DAB1: variants seen among roughly 807,000 people sequenced by gnomAD.
The protein encoded by DAB1 is disabled homolog 1.
DAB1 carries 15 observed loss-of-function variants against 64.6 expected under a neutral mutation model. The ratio of observed to expected loss-of-function variants is 0.23; its 90% CI spans 0.16 to 0.36. The LOEUF is 0.36. DAB1 is among the 10% of genes least tolerant of loss of function. The probability of loss-of-function intolerance (pLI) is 1.00; values close to 1 mark genes in which losing one functional copy is unlikely to be tolerated. For synonymous variants in DAB1, 235 were observed against 251.9 expected (o/e 0.93, Z 0.64); for missense variants, 596 against 706.7 (o/e 0.84, Z 1.78).
At chr1:57,535,668 G>T (rs1410411469) in intron 7 of DAB1, among the ~76,000 whole-genome samples, 1 of 151,828 alleles carries the variant, frequency 6.6e-6, no homozygotes. Context: ...CACTATGTTG[G>T]CCAGGATGGT....
At chr1:58,343,140 T>C (rs1444820923) in intron 4 of DAB1, among the ~76,000 whole-genome samples, 2 of 152,126 alleles carry the variant, frequency 1.3e-5, no homozygotes, top group Non-Finnish European at 2.9e-5. Context: ...AGGTCTATAA[T>C]GCTGGGGGTG....
chr1:57,994,224 C>G (rs1249175361), intron 5 of DAB1, among the ~76,000 whole-genome samples: 1 of 152,222 alleles, frequency 6.6e-6, no homozygotes, highest in African/African-American at 2.4e-5. Flanking sequence ...ATATGAGGAA[C>G]TGAAGCCTGC....
intron 2 of DAB1, among the ~76,000 whole-genome samples, chr1:57,168,855 A>G (rs1049380229): frequency 2.8e-4 from 42 of 152,136 alleles, no homozygotes; most frequent in African/African-American, 1.0e-3. Context: ...CAGGAGTTTG[A>G]GACCAGCCTG....
At chr1:57,224,329 C>G (rs995321806) in intron 2 of DAB1, among the ~76,000 whole-genome samples, 5 of 152,186 alleles carry the variant, frequency 3.3e-5, no homozygotes, top group African/African-American at 4.8e-5. Flanking sequence ...CCCCTGATCA[C>G]CACCTGAGTT....
intron 2 of DAB1, among the ~76,000 whole-genome samples, chr1:57,217,786 T>C (rs1448000457): frequency 6.6e-6 from 1 of 152,050 alleles, no homozygotes; most frequent in South Asian, 2.1e-4. Context: ...AAGAATAAAT[T>C]ATTGAACTTG....
At chr1:57,726,201 G>T (rs1165709963) in intron 6 of DAB1, among the ~76,000 whole-genome samples, 1 of 152,212 alleles carries the variant, frequency 6.6e-6, no homozygotes, top group South Asian at 2.1e-4. Flanking sequence ...TTGTAACAGG[G>T]TGTGATCAGC....
At chr1:58,135,997 C>T (rs1181780774) in intron 5 of DAB1, among the ~76,000 whole-genome samples, 2 of 152,108 alleles carry the variant, frequency 1.3e-5, no homozygotes, top group Non-Finnish European at 2.9e-5. Context: ...GATGCAGGAA[C>T]ATCAAGACCA....
In DAB1 at chr1:58,447,711, T is replaced by A. The variant is rs536244910; in HGVS notation, n.257+58349A>T. On this transcript the variant is annotated intron_variant and non_coding_transcript_variant, in intron 3 of 20. Transcript: ENST00000485760. ...GCTCGGATGAACAATCAGGGAAGACTTTCTTGAGGAGGTGACATTTGGACT... is the reference window on the plus strand; with the variant it reads ...GCTCGGATGAACAATCAGGGAAGACATTCTTGAGGAGGTGACATTTGGACT... 3.9e-5 allele frequency among the ~76,000 whole-genome samples: 6 copies of A among 152,264 alleles called. No homozygotes were observed. The East Asian group carries it at 1.2e-3, about 29-fold the overall frequency.
At chr1:57,235,801 C>T (rs1668046654) in intron 2 of DAB1, among the ~76,000 whole-genome samples, 1 of 151,898 alleles carries the variant, frequency 6.6e-6, no homozygotes, top group South Asian at 2.1e-4. Flanking sequence ...GCATTTTAAT[C>T]TCCTTAACAT....
At chr1:57,118,012 C>A (rs1656294024) in intron 4 of DAB1, among the ~76,000 whole-genome samples, 2 of 152,132 alleles carry the variant, frequency 1.3e-5, no homozygotes, top group Admixed American at 6.6e-5. Context: ...AGGACACAGC[C>A]CAGTGACTTA....
intron 1 of DAB1, among the ~76,000 whole-genome samples, chr1:57,376,785 C>G (rs1680931719): frequency 1.3e-5 from 2 of 152,168 alleles, no homozygotes; most frequent in African/African-American, 2.4e-5. Flanking sequence ...TCAAAATGTA[C>G]AGCCTACTGA....
chr1:57,063,064 G>T, intron 8 of DAB1, 121 bp from the exon 9 acceptor site: 1 of 775,922 alleles, frequency 1.3e-6, no homozygotes, highest in South Asian at 1.7e-5. Flanking sequence ...CCAGGGACAA[G>T]CCCATGGGAA....
intron 2 of DAB1, among the ~76,000 whole-genome samples, chr1:57,259,256 G>T (rs1221995220): frequency 6.6e-6 from 1 of 152,150 alleles, no homozygotes; most frequent in African/African-American, 2.4e-5. Flanking sequence ...AGAGAACACA[G>T]GCACAGCCCT....
intron 6 of DAB1, among the ~76,000 whole-genome samples, chr1:57,724,316 G>GAGGA (rs1162623224): frequency 1.3e-3 from 143 of 110,332 alleles, no homozygotes; most frequent in Non-Finnish European, 2.1e-3. Flanking sequence ...GGGAGGGAGG[G>GAGGA]AGGAAGGAAG....
At chr1:58,159,555 ATCTC>A (rs1655402648) in intron 4 of DAB1, among the ~76,000 whole-genome samples, 1 of 152,088 alleles carries the variant, frequency 6.6e-6, no homozygotes, top group African/African-American at 2.4e-5. Context: ...CATATGTAAA[ATCTC>A]TCCACGCTGT....
intron 7 of DAB1, among the ~76,000 whole-genome samples, chr1:57,610,358 T>C (rs1241981440): frequency 6.6e-6 from 1 of 152,188 alleles, no homozygotes; most frequent in Non-Finnish European, 1.5e-5. Context: ...ACTGTACACA[T>C]GTTGATTCAT....
At chr1:58,289,900 G>T (rs1377806589) in intron 4 of DAB1, among the ~76,000 whole-genome samples, 1 of 152,132 alleles carries the variant, frequency 6.6e-6, no homozygotes, top group Non-Finnish European at 1.5e-5. Flanking sequence ...ACAAGTATTT[G>T]GCATTAGCAA....
chr1:57,442,517 T>C (rs1685993876), intron 7 of DAB1, among the ~76,000 whole-genome samples: 1 of 152,184 alleles, frequency 6.6e-6, no homozygotes, highest in East Asian at 1.9e-4. Context: ...ACTTATTGTA[T>C]TTGAGTGAGA....
chr1:57,716,893 A>C (rs1647090489), intron 6 of DAB1, among the ~76,000 whole-genome samples: 1 of 152,174 alleles, frequency 6.6e-6, no homozygotes, highest in Admixed American at 6.5e-5. Context: ...GCCAAAAAGC[A>C]ACTAATCAGG....
Sources: gnomAD v4.1 joint callset for allele counts (sites outside exome capture counted in the v4.1 genomes callset) on GRCh38, gnomAD v4.1.1 for gene constraint, MANE v1.5 for transcripts, NCBI Gene and HGNC (gene_info 2026-07-23, HGNC 2026-07-21) for gene names.